The following SYTL3 variants were observed in gnomAD, a reference collection of about 807,000 sequenced individuals.
SYTL3 encodes synaptotagmin like 3, also known as synaptotagmin-like protein 3.
SYTL3 carries 88 observed loss-of-function variants against 82.1 expected under a neutral mutation model. That is an observed-to-expected ratio of 1.07 (90% CI 0.90 to 1.28). SYTL3 has a LOEUF of 1.28. Ranked by LOEUF, SYTL3 falls within the 50% of genes most tolerant of loss-of-function variation. The probability of loss-of-function intolerance (pLI) is 0.00; values close to 1 mark genes in which losing one functional copy is unlikely to be tolerated. For synonymous variants in SYTL3, 311 were observed against 289.4 expected, an observed-to-expected ratio of 1.07 and a Z score of -0.76; for missense variants, 831 against 757.6, an observed-to-expected ratio of 1.10 and a Z score of -1.14.
At chr6:158,717,739 G>A (rs921383930) in intron 9 of SYTL3, among the ~76,000 whole-genome samples, 5 of 152,136 alleles carry the variant, frequency 3.3e-5, no homozygotes, top group Non-Finnish European at 7.3e-5. Context: ...GTAGGCTGCC[G>A]TCTTCGTGTT....
intron 4 of SYTL3, among the ~76,000 whole-genome samples, chr6:158,664,320 G>A (rs750042063): frequency 5.9e-5 from 9 of 152,148 alleles, no homozygotes; most frequent in Non-Finnish European, 8.8e-5. Context: ...TGAGGCGGGC[G>A]GATCACCTGA....
rs1783036764 is a variant in SYTL3 at position 158,713,787 on chromosome 6, GTC to G, written c.517-9_517-8del. The G allele has an allele frequency of 1.3e-6, 2 of 1,532,630 alleles. No individual in the cohort carries two copies. The highest frequency in any genetic ancestry group is 2.4e-5 in the East Asian group (1 of 40,842). 94.9% of individuals were successfully genotyped at this position (1,532,630 alleles called of 1,614,324 possible). A position where few individuals can be genotyped will look rare whatever the true frequency, so the allele number is the denominator to read the frequency against. On this transcript the variant is annotated splice_polypyrimidine_tract_variant and intron_variant, in intron 8 of 17. Transcript: ENST00000611299. ...AGCATAATTCTCATTCTCTCCTTCT[GTC>G]TCTGTTTTAGTTACAGGAATTTGGT...
intron 6 of SYTL3, among the ~76,000 whole-genome samples, chr6:158,693,702 T>C (rs1344878848): frequency 7.1e-6 from 1 of 140,612 alleles, no homozygotes; most frequent in Non-Finnish European, 1.5e-5. Context: ...TTTCGTTTTC[T>C]TTCTTTCTTT....
chr6:158,676,735 A>G (rs932605252), intron 5 of SYTL3, among the ~76,000 whole-genome samples: 3 of 152,190 alleles, frequency 2.0e-5, no homozygotes, highest in African/African-American at 7.2e-5. Context: ...CCTATCAACA[A>G]GTGGGCGAAG....
At chr6:158,660,276 C>CA (rs774264958) in intron 2 of SYTL3, among the ~76,000 whole-genome samples, 19 of 151,976 alleles carry the variant, frequency 1.3e-4, no homozygotes, top group Admixed American at 1.2e-3. Flanking sequence ...AAAACAACAA[C>CA]AACAACAAAA....
chr6:158,707,536 G>A (rs1020059881), intron 7 of SYTL3, among the ~76,000 whole-genome samples: 1 of 152,098 alleles, frequency 6.6e-6, no homozygotes, highest in Admixed American at 6.5e-5. Context: ...AAATTCTCCT[G>A]AAGTGTTATA....
chr6:158,653,861 C>T (rs1788351370), intron 2 of SYTL3, among the ~76,000 whole-genome samples: 1 of 152,208 alleles, frequency 6.6e-6, no homozygotes, highest in Admixed American at 6.5e-5. Flanking sequence ...GAGGGCTGAA[C>T]ATTTATTTCC....
chr6:158,681,602 C>T (rs1248045735), intron 5 of SYTL3, among the ~76,000 whole-genome samples: 1 of 152,124 alleles, frequency 6.6e-6, no homozygotes, highest in East Asian at 1.9e-4. Flanking sequence ...TGCTTGAACC[C>T]ACGAGGGGGA....
chr6:158,754,894 C>T (rs377091025), intron 13 of SYTL3, among the ~76,000 whole-genome samples: 3 of 152,204 alleles, frequency 2.0e-5, no homozygotes, highest in Non-Finnish European at 4.4e-5. Context: ...TGCTAAGTGG[C>T]GTGGCGTTCT....
At chr6:158,652,054 G>A (rs570997492) in intron 2 of SYTL3, among the ~76,000 whole-genome samples, 61 of 148,414 alleles carry the variant, frequency 4.1e-4, no homozygotes, top group Middle Eastern at 3.9e-3. Flanking sequence ...CAGCCTCCCC[G>A]GTAGCTAGGA....
At chr6:158,761,696 C>G (rs1300881327) in intron 15 of SYTL3, among the ~76,000 whole-genome samples, 1 of 152,242 alleles carries the variant, frequency 6.6e-6, no homozygotes, top group African/African-American at 2.4e-5. Flanking sequence ...GGGTCACCAG[C>G]AGACCAGCAG....
chr6:158,720,406 C>CAAAAAAA (rs10640552), intron 10 of SYTL3, among the ~76,000 whole-genome samples: 2 of 88,178 alleles, frequency 2.3e-5, no homozygotes, highest in African/African-American at 9.0e-5. Flanking sequence ...AACTTTGTCT[C>CAAAAAAA]AAAAAAAAAA....
At chr6:158,646,230 T>C (rs763857782), upstream of SYTL3, among the ~76,000 whole-genome samples, 2 of 152,136 alleles carry the variant, frequency 1.3e-5, no homozygotes, top group African/African-American at 4.8e-5. Flanking sequence ...AGTTTAGTCA[T>C]CCAAAGACCA....
chr6:158,703,153 T>TAAAAAAAAAA (rs71297001), intron 6 of SYTL3, among the ~76,000 whole-genome samples: 1 of 94,876 alleles, frequency 1.1e-5, no homozygotes. Flanking sequence ...GACTCTGTCT[T>TAAAAAAAAAA]AAAAAAAAAA....
chr6:158,657,091 C>G (rs1423676067), intron 2 of SYTL3, among the ~76,000 whole-genome samples: 1 of 152,020 alleles, frequency 6.6e-6, no homozygotes, highest in Non-Finnish European at 1.5e-5. Flanking sequence ...TTACTATAGG[C>G]TCATTCAGTT....
chr6:158,670,643 C>T (rs528249641), intron 5 of SYTL3, among the ~76,000 whole-genome samples: 69 of 151,944 alleles, frequency 4.5e-4, no homozygotes, highest in Non-Finnish European at 8.5e-4. Flanking sequence ...TTAGGCCGGG[C>T]ACAGTGGCAG....
chr6:158,720,672 G>A (rs1784002962), intron 10 of SYTL3, among the ~76,000 whole-genome samples: 1 of 152,190 alleles, frequency 6.6e-6, no homozygotes, highest in Admixed American at 6.5e-5. Context: ...TTAACCAGAT[G>A]CCTGGCATTG....
At chr6:158,763,562 G>A in intron 17 of SYTL3, 53 bp downstream of exon 17, 1 of 1,496,626 alleles carries the variant, frequency 6.7e-7, no homozygotes, top group Non-Finnish European at 9.3e-7. Context: ...TATCCTAATG[G>A]GTACCGTGCA....
At chr6:158,670,251 G>T (rs2128380353) in intron 5 of SYTL3, among the ~76,000 whole-genome samples, 1 of 152,292 alleles carries the variant, frequency 6.6e-6, no homozygotes, top group African/African-American at 2.4e-5. Context: ...CAAATAACTA[G>T]TGTATGAGAA....
Sources: allele counts gnomAD v4.1 joint callset (sites outside exome capture counted in the v4.1 genomes callset), GRCh38; gene constraint gnomAD v4.1.1; transcripts MANE v1.5; gene names NCBI Gene and HGNC (gene_info 2026-07-23, HGNC 2026-07-21).